The following FGD5 variants were observed in gnomAD, a reference collection of about 807,000 sequenced individuals.
FGD5 encodes the protein FYVE, RhoGEF and PH domain-containing protein 5.
In FGD5, 28 loss-of-function variants were observed where a neutral mutation model predicts 133.4. The observed-to-expected ratio is 0.21, with a 90% CI of 0.16 to 0.29. The LOEUF (loss-of-function observed/expected upper bound fraction) is 0.29. Among genes scored for constraint, FGD5 ranks in the 10% least tolerant of loss-of-function variants. The probability of loss-of-function intolerance (pLI) is 1.00; values close to 1 mark genes in which losing one functional copy is unlikely to be tolerated. For missense variants in FGD5, 1,858 were observed against 1,895.2 expected (o/e 0.98, Z 0.36); for synonymous variants, 810 against 776.5 (o/e 1.04, Z -0.72).
chr3:14,851,958 A>G (rs112094400), intron 1 of FGD5, among the ~76,000 whole-genome samples: 4,578 of 151,856 alleles, frequency 0.03, 111 homozygotes, highest in Non-Finnish European at 0.04. Context: ...ACAAGTGTTG[A>G]CAAGACTGTA....
rs766549571 is a variant in FGD5, at chr3:14,897,668, T to A, written c.2908T>A (p.Trp970Arg). 3.3e-5 allele frequency: 53 copies of A among 1,601,232 alleles called. 1 individual carries two copies. The South Asian group carries it at 5.6e-4, about 17-fold the overall frequency. Residue 970 changes from tryptophan to arginine, a missense_variant and splice_region_variant, in exon 5 of 20, where the codon TGG (tryptophan) becomes AGG (arginine). Coordinates refer to ENST00000285046, the MANE Select transcript of FGD5 (RefSeq NM_152536.4). ...GGAGCTGGAGGAAAGGCTGTCAAAT[T>A]GGTGAGCAGTCCCTGGACCCCCGGG... ...LEELEERLSN[W>R]ESQQKVADVF...
Position 14,820,335 on chromosome 3 carries a change from T to C in FGD5, c.1264T>C (p.Leu422=). Residue 422 remains leucine, a synonymous_variant, in exon 1 of 20, where the codon TTG becomes CTG. Coordinates refer to ENST00000285046, the MANE Select transcript of FGD5 (RefSeq NM_152536.4). The stretch of plus-strand genomic sequence containing the variant: ...GGTGGTCGTGCTGGAGGAGGAGGCC[T>C]TGGATGATGCACTGGCCAACCCCTA... ...DVVVVLEEEA[L]DDALANPYVM... The C allele has an allele frequency of 6.2e-7, 1 of 1,611,714 alleles. No individual in the cohort carries two copies. Among genetic ancestry groups the C allele is most frequent in the East Asian group, 2.2e-5 (1 of 44,848 alleles).
At chr3:14,853,791 A>T (rs908149804) in intron 1 of FGD5, among the ~76,000 whole-genome samples, 1 of 146,628 alleles carries the variant, frequency 6.8e-6, no homozygotes, top group African/African-American at 2.5e-5. Context: ...TCATCTCCCC[A>T]CGTGGAGGCA....
chr3:14,877,187 T>A (rs1194729790), intron 2 of FGD5, among the ~76,000 whole-genome samples: 2 of 152,218 alleles, frequency 1.3e-5, no homozygotes, highest in East Asian at 3.9e-4. Flanking sequence ...CAAACATCTA[T>A]ATTAAATGGC....
At chr3:14,894,253 A>G (rs138751707) in intron 4 of FGD5, among the ~76,000 whole-genome samples, 1 of 152,114 alleles carries the variant, frequency 6.6e-6, no homozygotes, top group Non-Finnish European at 1.5e-5. Flanking sequence ...AATGACTTTC[A>G]GTTCCATCCG....
chr3:14,928,457 T>C (rs113373499), intron 18 of FGD5, among the ~76,000 whole-genome samples: 4 of 152,230 alleles, frequency 2.6e-5, no homozygotes, highest in African/African-American at 9.6e-5. Flanking sequence ...AATTTTACAG[T>C]GAACTAGCCG....
At chr3:14,834,500 G>A (rs750779436) in intron 1 of FGD5, among the ~76,000 whole-genome samples, 4 of 152,218 alleles carry the variant, frequency 2.6e-5, no homozygotes, top group Non-Finnish European at 5.9e-5. Flanking sequence ...AGCACTGTCT[G>A]TATCCATGAG....
At position 14,877,707 on chromosome 3, in the gene FGD5, G is replaced by T. The variant is rs538662707; in HGVS notation, c.2659-2865G>T. On this transcript the variant is annotated intron_variant, in intron 2 of 19. Coordinates refer to ENST00000285046, the MANE Select transcript of FGD5 (RefSeq NM_152536.4). ...AGGAAGCCTGAGTGCAGAGGGGCAA[G>T]CCCAGGCTGCTCTGATGTGTGTCTG... is the stretch of plus-strand genomic sequence containing the variant. 6.6e-5 allele frequency among the ~76,000 whole-genome samples: 10 copies of T among 152,360 alleles called. No individual in the cohort carries two copies. In the East Asian group the frequency reaches 1.9e-3, roughly 29 times the overall value.
intron 1 of FGD5, among the ~76,000 whole-genome samples, chr3:14,862,560 G>T (rs533374039): frequency 1.6e-4 from 25 of 152,336 alleles, no homozygotes; most frequent in African/African-American, 5.5e-4. Flanking sequence ...CAGCAAGCCT[G>T]GCGGGGTGTT....
intron 2 of FGD5, among the ~76,000 whole-genome samples, chr3:14,870,671 C>T (rs1312906736): frequency 6.6e-6 from 1 of 152,194 alleles, no homozygotes; most frequent in African/African-American, 2.4e-5. Flanking sequence ...CCGTTCCAGC[C>T]ATGGCCAGCC....
chr3:14,852,936 CAT>C (rs1265714805), intron 1 of FGD5, among the ~76,000 whole-genome samples: 11 of 152,168 alleles, frequency 7.2e-5, no homozygotes, highest in Admixed American at 7.2e-4. Flanking sequence ...CACACAGTTT[CAT>C]ATGTCTGGGT....
chr3:14,814,882 G>A (rs2125064306), upstream of FGD5, among the ~76,000 whole-genome samples: 1 of 152,246 alleles, frequency 6.6e-6, no homozygotes, highest in South Asian at 2.1e-4. Context: ...CCTTGGTGTC[G>A]TTCTTGACTT....
intron 18 of FGD5, 141 bp from the exon 19 acceptor site, chr3:14,932,436 C>A: frequency 1.1e-6 from 1 of 909,698 alleles, no homozygotes. Context: ...CGAGGGTCAA[C>A]AGTTTGTGTG....
At chr3:14,891,816 G>A (rs2038033747) in intron 4 of FGD5, among the ~76,000 whole-genome samples, 1 of 152,136 alleles carries the variant, frequency 6.6e-6, no homozygotes, top group Admixed American at 6.5e-5. Flanking sequence ...CAGTGCGAGG[G>A]GGTCTCTCAG....
At chr3:14,894,505 C>CTTTTTTTT (rs55912541) in intron 4 of FGD5, among the ~76,000 whole-genome samples, 1 of 127,222 alleles carries the variant, frequency 7.9e-6, no homozygotes. Flanking sequence ...TTTGTTAGTT[C>CTTTTTTTT]TTTTTTTTTT....
At chr3:14,852,780 C>G (rs1328474401) in intron 1 of FGD5, among the ~76,000 whole-genome samples, 1 of 152,180 alleles carries the variant, frequency 6.6e-6, no homozygotes, top group Non-Finnish European at 1.5e-5. Flanking sequence ...CATTACAATG[C>G]TATCCCTTGG....
At chr3:14,843,067 G>A (rs888766419) in intron 1 of FGD5, among the ~76,000 whole-genome samples, 5 of 152,150 alleles carry the variant, frequency 3.3e-5, no homozygotes, top group Non-Finnish European at 2.9e-5. Context: ...TTAAAATCCC[G>A]AGAGTTGAAT....
chr3:14,899,781 A>G (rs1295577734), intron 7 of FGD5, among the ~76,000 whole-genome samples: 1 of 152,206 alleles, frequency 6.6e-6, no homozygotes, highest in Non-Finnish European at 1.5e-5. Context: ...AGTTAAGGAG[A>G]CAGAGGGAAC....
intron 1 of FGD5, 111 bp downstream of exon 1, chr3:14,821,707 C>G (rs1484520896): frequency 6.4e-6 from 9 of 1,406,748 alleles, no homozygotes; most frequent in Non-Finnish European, 1.9e-6. Flanking sequence ...CTGTTTCTTA[C>G]TAGCTGTGTT....
Sources: gnomAD v4.1 joint callset for allele counts (sites outside exome capture counted in the v4.1 genomes callset) on GRCh38, gnomAD v4.1.1 for gene constraint, MANE v1.5 for transcripts, NCBI Gene and HGNC (gene_info 2026-07-23, HGNC 2026-07-21) for gene names.